C1QTNF6: variants seen among roughly 807,000 people sequenced by gnomAD.
C1QTNF6 encodes the protein C1q and TNF related 6.
Under a neutral mutation model 20.7 loss-of-function variants are expected in C1QTNF6, and 17 were observed. The ratio of observed to expected loss-of-function variants is 0.82; its 90% CI spans 0.56 to 1.23. The LOEUF (loss-of-function observed/expected upper bound fraction) is 1.23, where lower values mean the gene tolerates loss of function less well. C1QTNF6 is among the 50% of genes most tolerant of loss of function. The pLI, the probability that C1QTNF6 is intolerant of heterozygous loss-of-function variation, is 0.00. For missense variants in C1QTNF6, 329 were observed against 389.7 expected (o/e 0.84, Z 1.31); for synonymous variants, 130 against 156.3 (o/e 0.83, Z 1.25).
At chr22:37,194,005 G>A (rs969750562) in intron 2 of C1QTNF6, among the ~76,000 whole-genome samples, 11 of 152,170 alleles carry the variant, frequency 7.2e-5, no homozygotes, top group Middle Eastern at 3.2e-3. Context: ...AATTTCAAGC[G>A]TGCAAAGGCT....
At chr22:37,183,931 G>A (rs1045996952) in intron 2 of C1QTNF6, among the ~76,000 whole-genome samples, 1 of 152,186 alleles carries the variant, frequency 6.6e-6, no homozygotes, top group East Asian at 1.9e-4. Context: ...CAAGGGGGCA[G>A]AAGAGGTGAG....
At position 37,181,362 on chromosome 22, in the gene C1QTNF6, C is replaced by G. The variant is rs914718554; in HGVS notation, c.*826G>C. 6.6e-6 allele frequency: 1 copy of G among 152,362 alleles called. No individual in the cohort carries two copies. Among genetic ancestry groups the G allele is most frequent in the African/African-American group, 2.4e-5 (1 of 41,422 alleles). 9.4% of individuals were successfully genotyped at this position (152,362 alleles called of 1,614,324 possible). A position where few individuals can be genotyped will look rare whatever the true frequency, so the allele number is the denominator to read the frequency against. On this transcript the variant is annotated 3_prime_UTR_variant, in exon 3 of 3. Coordinates refer to ENST00000337843, the MANE Select transcript of C1QTNF6 (RefSeq NM_031910.4). ...GGGAAGGGGTAAAGAGAACATAGCA[C>G]GGGGAGCCCTGGAGGGATGAGAGAA...
chr22:37,198,946 G>T (rs1343171088), upstream of C1QTNF6, among the ~76,000 whole-genome samples: 1 of 152,240 alleles, frequency 6.6e-6, no homozygotes, highest in Non-Finnish European at 1.5e-5. Context: ...CTTTCAGGAC[G>T]TCGGATCCCA....
rs1924060882 is a variant in C1QTNF6, at chr22:37,184,222, G to A, written c.289+996C>T. ...GCCAGGTGACCACTGGCTGTGCAGT[G>A]AGTGTCCCCGGGGAGAGCTCAGGAA... On this transcript the variant is annotated intron_variant, in intron 2 of 2. Transcript: ENST00000337843. The surrounding 1 kb of genome is among the most constrained non-coding windows in gnomAD (Gnocchi z 4.0). The A allele has an allele frequency of 9.3e-6, 6 of 647,828 alleles. No individual in the cohort carries two copies. The highest frequency in any genetic ancestry group is 6.7e-5 in the Admixed American group (3 of 44,854). 40.1% of individuals were successfully genotyped at this position (647,828 alleles called of 1,614,324 possible).
chr22:37,197,036 ACATG>A, intron 1 of C1QTNF6: 1 of 152,408 alleles, frequency 6.6e-6, no homozygotes, highest in East Asian at 1.9e-4. Context: ...CCCAAAGGTC[ACATG>A]GCAGACTACA....
At chr22:37,197,862 CTGG>C (rs1274057934), upstream of C1QTNF6, 1 of 152,422 alleles carries the variant, frequency 6.6e-6, no homozygotes, top group Non-Finnish European at 1.5e-5. Flanking sequence ...AGCTCCAGCC[CTGG>C]GGCAGACAAA....
upstream of C1QTNF6, chr22:37,197,912 G>A (rs1925244461): frequency 6.6e-6 from 1 of 152,350 alleles, no homozygotes; most frequent in African/African-American, 2.4e-5. Context: ...CTAGCTGTGT[G>A]ACCTCGGGCA....
At chr22:37,187,931 C>T (rs577634657) in intron 1 of C1QTNF6, among the ~76,000 whole-genome samples, 1 of 152,082 alleles carries the variant, frequency 6.6e-6, no homozygotes, top group South Asian at 2.1e-4. Context: ...CCAGGCAGGC[C>T]GTGCAGAGCT....
Position 37,188,194 on chromosome 22 carries a change from C to G in C1QTNF6, c.20G>C (p.Arg7Pro), listed in dbSNP as rs773179223. 1 of 1,609,406 alleles carries G rather than the reference C, an allele frequency of 6.2e-7. No homozygotes were observed. Residue 7 changes from arginine to proline, a missense_variant, in exon 1 of 3, where the codon CGT becomes CCT. Physicochemically the swap from Arg to Pro is moderately radical, Grantham distance 103. Transcript: ENST00000337843. MQWLRV[R>P]ESPGEATGHR... ...TCCTGTGGCCTCCCCAGGCGACTCACGGACCCTGAGCCACTGCATGGCCTC... is the reference window on the plus strand; with the variant it reads ...TCCTGTGGCCTCCCCAGGCGACTCAGGGACCCTGAGCCACTGCATGGCCTC...
chr22:37,186,391 CA>C (rs1924342840), intron 1 of C1QTNF6, among the ~76,000 whole-genome samples: 1 of 152,186 alleles, frequency 6.6e-6, no homozygotes, highest in Non-Finnish European at 1.5e-5. Flanking sequence ...AGAAGCCCTG[CA>C]GGGAGGGTTC....
At chr22:37,191,016 A>G (rs906754442), upstream of C1QTNF6, 1 of 152,206 alleles carries the variant, frequency 6.6e-6, no homozygotes, top group African/African-American at 2.4e-5. Flanking sequence ...AGTCTATGCA[A>G]TTAATTCCTG....
At position 37,185,450 on chromosome 22, in the gene C1QTNF6, G is replaced by A. The variant is rs777312966; in HGVS notation, c.57C>T (p.Thr19=). Residue 19 remains threonine, a synonymous_variant, in exon 2 of 3, where the codon ACC becomes ACT. Transcript: ENST00000337843. ...SPGEATGHRV[T]MGTAALGPVW... Reference sequence around the variant, plus strand: ...CGGGACCCAGGGCGGCTGTCCCCATGGTGACCTGGAACAAGGAAGGAGGGA... The same window carrying A: ...CGGGACCCAGGGCGGCTGTCCCCATAGTGACCTGGAACAAGGAAGGAGGGA... 2.5e-6 allele frequency: 4 copies of A among 1,598,612 alleles called. No individual in the cohort carries two copies. Among genetic ancestry groups the A allele is most frequent in the Admixed American group, 3.4e-5 (2 of 58,604 alleles).
upstream of C1QTNF6, among the ~76,000 whole-genome samples, chr22:37,192,129 C>A (rs1193810486): frequency 6.6e-6 from 1 of 152,160 alleles, no homozygotes; most frequent in Non-Finnish European, 1.5e-5. Flanking sequence ...TCAGCTTTAT[C>A]CTACCTAACT....
chr22:37,182,397 T>TA lies in C1QTNF6; in HGVS notation c.627dup (p.Met210TyrfsTer3). 1 of 1,614,248 alleles carries TA rather than the reference T, an allele frequency of 6.2e-7. No homozygotes were observed. Among genetic ancestry groups the TA allele is most frequent in the Non-Finnish European group, 8.5e-7 (1 of 1,180,030 alleles). On this transcript the variant is annotated frameshift_variant, in exon 3 of 3. Coordinates refer to ENST00000337843, the MANE Select transcript of C1QTNF6 (RefSeq NM_031910.4). LOFTEE classifies it high-confidence loss of function. Reference sequence around the variant, plus strand: ...ATGACAGCCTCTTTCTGGTTATGCATAATGTGCACGTACGTCTCCTTGTAA... The same window carrying TA: ...ATGACAGCCTCTTTCTGGTTATGCATAAATGTGCACGTACGTCTCCTTGTAA...
rs1305955813 is a variant in C1QTNF6 at position 37,182,158 on chromosome 22, T to C, written c.*30A>G. 4 of 1,583,338 alleles carry C rather than the reference T, an allele frequency of 2.5e-6. No individual in the cohort carries two copies. Among genetic ancestry groups the C allele is most frequent in the Non-Finnish European group, 3.4e-6 (4 of 1,163,372 alleles). On this transcript the variant is annotated 3_prime_UTR_variant, in exon 3 of 3. Coordinates refer to ENST00000337843, the MANE Select transcript of C1QTNF6 (RefSeq NM_031910.4). ...CAGGGGACGGGACCAGCACCTGAGC[T>C]CTCCAGCCGGGAGGGTGGCCCAGAG... is the stretch of plus-strand genomic sequence containing the variant.
rs766657465 is a variant in C1QTNF6, at chr22:37,182,012, G to A, written c.*176C>T. The A allele has an allele frequency of 3.3e-4, 218 of 666,842 alleles. No homozygotes were observed. Among genetic ancestry groups the A allele is most frequent in the Non-Finnish European group, 4.8e-4 (193 of 401,330 alleles). 41.3% of individuals were successfully genotyped at this position (666,842 alleles called of 1,614,324 possible). On this transcript the variant is annotated 3_prime_UTR_variant, in exon 3 of 3. Transcript: ENST00000337843. ...AAAATAGGTCCAAGAGAGAAGAGAG[G>A]AGCAGAAATAGGCTGGGAGGGATGA...
At chr22:37,188,273 G>A, upstream of C1QTNF6, 1 of 1,490,554 alleles carries the variant, frequency 6.7e-7, no homozygotes, top group Non-Finnish European at 9.0e-7. Flanking sequence ...CAGACCCCCA[G>A]GCCCAGCAGA....
intron 2 of C1QTNF6, among the ~76,000 whole-genome samples, chr22:37,194,391 G>T (rs1315829354): frequency 6.6e-6 from 1 of 152,162 alleles, no homozygotes; most frequent in East Asian, 1.9e-4. Context: ...CAAATTCCTT[G>T]CAGGAGAGAC....
upstream of C1QTNF6, chr22:37,188,387 G>T (rs973478833): frequency 3.5e-5 from 19 of 539,966 alleles, no homozygotes; most frequent in African/African-American, 3.7e-4. Flanking sequence ...CTCCCTTTCA[G>T]CCTCTGGGTT....
Sources: gnomAD v4.1 joint callset for allele counts (sites outside exome capture counted in the v4.1 genomes callset) on GRCh38, gnomAD v4.1.1 for gene constraint, Gnocchi (gnomAD v3.1) non-coding constraint, MANE v1.5 for transcripts, NCBI Gene and HGNC (gene_info 2026-07-23, HGNC 2026-07-21) for gene names.